ETV5: variants seen among roughly 807,000 people sequenced by gnomAD.
The protein encoded by ETV5 is ETS translocation variant 5.
Under a neutral mutation model 70.0 loss-of-function variants are expected in ETV5, and 10 were observed. The observed-to-expected ratio is 0.14, with a 90% CI of 0.09 to 0.24. The LOEUF is 0.24. ETV5 is among the 10% of genes least tolerant of loss of function. ETV5 has a pLI of 1.00. For missense variants in ETV5, 453 were observed against 651.2 expected, an observed-to-expected ratio of 0.70 and a Z score of 3.31; for synonymous variants, 216 against 242.2, an observed-to-expected ratio of 0.89 and a Z score of 1.01.
At chr3:186,078,082 G>C in intron 7 of ETV5, 1 of 1,052,580 alleles carries the variant, frequency 9.5e-7, no homozygotes, top group South Asian at 4.6e-5. Context: ...TCCTTCTCAG[G>C]GGGCTGGGTG....
intron 5 of ETV5, among the ~76,000 whole-genome samples, chr3:186,084,641 C>T (rs985477266): frequency 6.6e-6 from 1 of 152,090 alleles, no homozygotes; most frequent in Non-Finnish European, 1.5e-5. Flanking sequence ...AGATTAGGGC[C>T]TCAGTATGCT....
At chr3:186,065,030 T>C (rs186809050) in intron 8 of ETV5, among the ~76,000 whole-genome samples, 290 of 152,294 alleles carry the variant, frequency 1.9e-3, no homozygotes, top group African/African-American at 6.7e-3. Context: ...GTTTGGTCCA[T>C]TTTTGCCATG....
chr3:186,050,541 T>C (rs1325038393), intron 12 of ETV5, among the ~76,000 whole-genome samples: 1 of 152,150 alleles, frequency 6.6e-6, no homozygotes, highest in East Asian at 1.9e-4. Flanking sequence ...GTATGGCGTT[T>C]CTTTTTGGGG....
intron 5 of ETV5, among the ~76,000 whole-genome samples, chr3:186,093,161 A>AC (rs1714223063): frequency 6.6e-6 from 1 of 152,176 alleles, no homozygotes; most frequent in Admixed American, 6.5e-5. Context: ...CTTCTAGCAG[A>AC]CCCCAGAACA....
chr3:186,069,376 C>T (rs1412910735), intron 7 of ETV5, among the ~76,000 whole-genome samples: 2 of 152,162 alleles, frequency 1.3e-5, no homozygotes, highest in Non-Finnish European at 2.9e-5. Flanking sequence ...CTTCAAGAAA[C>T]CTTTCAATGG....
chr3:186,062,325 CCTTT>C (rs1434518080), intron 9 of ETV5, among the ~76,000 whole-genome samples: 1 of 152,218 alleles, frequency 6.6e-6, no homozygotes, highest in Non-Finnish European at 1.5e-5. Context: ...CATCTTTTCT[CCTTT>C]CTGAGTCTCG....
intron 7 of ETV5, chr3:186,076,316 G>T (rs1056632594): frequency 9.9e-6 from 2 of 201,858 alleles, no homozygotes; most frequent in African/African-American, 4.6e-5. Context: ...AGAGATGGGG[G>T]TCTCACTGTG....
At chr3:186,053,678 C>T (rs1042325228) in intron 11 of ETV5, among the ~76,000 whole-genome samples, 4 of 152,154 alleles carry the variant, frequency 2.6e-5, no homozygotes, top group African/African-American at 9.7e-5. Context: ...ACAGCAGACA[C>T]GATGTCCTGG....
At chr3:186,055,811 C>T (rs1400804051) in intron 11 of ETV5, among the ~76,000 whole-genome samples, 1 of 152,130 alleles carries the variant, frequency 6.6e-6, no homozygotes, top group East Asian at 1.9e-4. Context: ...TAAAGCGAGC[C>T]CTAGAGTTAA....
At chr3:186,064,570 A>C in intron 8 of ETV5, 94 bp from the exon 9 acceptor site, 1 of 1,233,110 alleles carries the variant, frequency 8.1e-7, no homozygotes, top group Non-Finnish European at 1.2e-6. Context: ...TAAAGCCCCT[A>C]AACTTCCTGC....
rs759145587 is a variant in ETV5 at position 186,081,038 on chromosome 3, C to T, written c.362+8G>A. On this transcript the variant is annotated splice_region_variant and intron_variant, in intron 6 of 12. Transcript: ENST00000306376. ...GCAGCCTTTCTTCGACTCCTCTTGC[C>T]CACTCACCAATAGTTGTAGAGGCAC... 6.2e-7 allele frequency: 1 copy of T among 1,604,274 alleles called. No homozygotes were observed. The highest frequency in any genetic ancestry group is 2.3e-5 in the East Asian group (1 of 44,362).
Position 186,065,939 on chromosome 3 carries a change from A to C in ETV5, c.784T>G (p.Phe262Val). The change falls in exon 8 of 13, where the codon TTC (phenylalanine) becomes GTC (valine). Residue 262 changes from phenylalanine (F) to valine (V), a missense_variant. Phe to Val is a conservative substitution (Grantham distance 50). Transcript: ENST00000306376. ...VPAAPPPPQG[F>V]KQEYHDPLYE... is the part of the protein sequence containing the mutation. ...AGTGGGTCATGGTATTCTTGTTTGA[A>C]TCCCTGAGGGGGCGGGGGAGCTGCA... The C allele has an allele frequency of 1.2e-6, 2 of 1,612,616 alleles. No individual in the cohort carries two copies. The highest frequency in any genetic ancestry group is 1.1e-5 in the South Asian group (1 of 90,928).
In ETV5 at chr3:186,066,050, G is replaced by C. The variant is rs1295340116; in HGVS notation, c.673C>G (p.Pro225Ala). ...EQRFQRQLSE[P>A]CHPFPPQPGV... The stretch of plus-strand genomic sequence containing the variant: ...GGCTGAGGAGGGAAGGGGTGGCAGG[G>C]TTCAGACAGTTGTCTCTGAAATCTG... The change falls in exon 8 of 13, where the codon CCC (proline) becomes GCC (alanine). Residue 225 changes from proline to alanine, a missense_variant. By Grantham distance (27) the Pro-to-Ala change is conservative. Coordinates refer to ENST00000306376, the MANE Select transcript of ETV5 (RefSeq NM_004454.3). 1 of 1,597,334 alleles carries C rather than the reference G, an allele frequency of 6.3e-7. No homozygotes were observed. The highest frequency in any genetic ancestry group is 8.5e-7 in the Non-Finnish European group (1 of 1,173,454).
intron 1 of ETV5, among the ~76,000 whole-genome samples, 154 bp from the exon 2 acceptor site, chr3:186,106,096 CCGGG>C (rs1714581034): frequency 6.6e-6 from 1 of 152,122 alleles, no homozygotes; most frequent in South Asian, 2.1e-4. Context: ...CACACCAATG[CCGGG>C]CTTGATTAAT....
At chr3:186,097,225 C>A (rs1714326589) in intron 5 of ETV5, among the ~76,000 whole-genome samples, 1 of 143,994 alleles carries the variant, frequency 6.9e-6, no homozygotes, top group African/African-American at 2.7e-5. Context: ...AGTGAGGTTC[C>A]CCCATTGCTC....
rs752963917 is a variant in ETV5, at chr3:186,079,852, C to A, written c.615G>T (p.Lys205Asn). ...RPPHQPLQMP[K>N]MMPENQYPSE... Reference sequence around the variant, plus strand: ...ATGGATACTGGTTTTCAGGCATCATCTTTGGCATCTGCAGGGGCTGATGTG... The same window carrying A: ...ATGGATACTGGTTTTCAGGCATCATATTTGGCATCTGCAGGGGCTGATGTG... Residue 205 changes from lysine (K) to asparagine (N), a missense_variant, in exon 7 of 13, where the codon AAG becomes AAT. This residue lies in a region of ETV5 where 307 missense variants were observed against 344.9 expected (regional missense o/e 0.89). Coordinates refer to ENST00000306376, the MANE Select transcript of ETV5 (RefSeq NM_004454.3). 5.0e-6 allele frequency: 8 copies of A among 1,602,244 alleles called. No individual in the cohort carries two copies. In the South Asian group the frequency reaches 8.9e-5, roughly 18 times the overall value.
At chr3:186,093,508 C>G (rs1262676924) in intron 5 of ETV5, among the ~76,000 whole-genome samples, 2 of 152,178 alleles carry the variant, frequency 1.3e-5, no homozygotes, top group Non-Finnish European at 2.9e-5. Flanking sequence ...GCAATGGTAG[C>G]AGCCAGAGAG....
At chr3:186,081,824 C>T (rs575826918) in intron 5 of ETV5, among the ~76,000 whole-genome samples, 93 of 152,330 alleles carry the variant, frequency 6.1e-4, no homozygotes, top group African/African-American at 2.2e-3. Flanking sequence ...AGCCTGGCTA[C>T]CTTTGTGCTT....
intron 7 of ETV5, among the ~76,000 whole-genome samples, chr3:186,067,120 C>T (rs548816234): frequency 6.6e-6 from 1 of 152,238 alleles, no homozygotes; most frequent in Admixed American, 6.5e-5. Context: ...CGTGCCAAAA[C>T]CCCATCTCTA....
Sources: gnomAD v4.1 joint callset for allele counts (sites outside exome capture counted in the v4.1 genomes callset) on GRCh38, gnomAD v4.1.1 for gene constraint, gnomAD v4.1.1 regional missense constraint, MANE v1.5 for transcripts, NCBI Gene and HGNC (gene_info 2026-07-23, HGNC 2026-07-21) for gene names.